ADCY8: variants seen among roughly 807,000 people sequenced by gnomAD.
The protein encoded by ADCY8 is adenylate cyclase type 8.
A neutral mutation model predicts 119.7 loss-of-function variants in ADCY8; 51 were observed. The ratio of observed to expected loss-of-function variants is 0.43; its 90% confidence interval spans 0.34 to 0.54. The LOEUF (loss-of-function observed/expected upper bound fraction) is 0.54. ADCY8 is among the 20% of genes least tolerant of loss of function. ADCY8 has a pLI of 0.03. For synonymous variants in ADCY8, 665 were observed against 651.0 expected, an observed-to-expected ratio of 1.02 and a Z score of -0.33; for missense variants, 1,383 against 1,598.8, an observed-to-expected ratio of 0.87 and a Z score of 2.30.
chr8:131,010,577 G>A (rs1018757957), intron 1 of ADCY8, among the ~76,000 whole-genome samples: 2 of 152,030 alleles, frequency 1.3e-5, no homozygotes, highest in African/African-American at 2.4e-5. Context: ...GAAAAATGAA[G>A]GTAAGTAAAA....
intron 8 of ADCY8, among the ~76,000 whole-genome samples, chr8:130,879,049 G>A (rs924338732): frequency 2.0e-5 from 3 of 152,132 alleles, no homozygotes; most frequent in Non-Finnish European, 4.4e-5. Flanking sequence ...GTGTTATTAA[G>A]CTCTCTTAAG....
At chr8:131,036,271 T>G (rs1824150497) in intron 1 of ADCY8, among the ~76,000 whole-genome samples, 1 of 152,208 alleles carries the variant, frequency 6.6e-6, no homozygotes, top group African/African-American at 2.4e-5. Flanking sequence ...GGGTGCTTAG[T>G]TACATGTAAA....
At chr8:130,956,674 C>T (rs1414536623) in intron 2 of ADCY8, among the ~76,000 whole-genome samples, 2 of 152,302 alleles carry the variant, frequency 1.3e-5, no homozygotes, top group East Asian at 3.9e-4. Context: ...TTAAATTGTA[C>T]TCCCATAATT....
At chr8:130,988,026 A>C (rs1822456310) in intron 2 of ADCY8, among the ~76,000 whole-genome samples, 1 of 152,242 alleles carries the variant, frequency 6.6e-6, no homozygotes, top group Non-Finnish European at 1.5e-5. Flanking sequence ...ACCATTAAGG[A>C]GACTTTTCAG....
chr8:130,915,775 C>G (rs1291979475), intron 5 of ADCY8, among the ~76,000 whole-genome samples: 1 of 152,210 alleles, frequency 6.6e-6, no homozygotes, highest in Admixed American at 6.5e-5. Context: ...CTACCCTTTT[C>G]TGCTAAAACT....
chr8:130,829,644 A>C (rs1490589180), intron 12 of ADCY8, among the ~76,000 whole-genome samples: 4 of 152,220 alleles, frequency 2.6e-5, no homozygotes, highest in Non-Finnish European at 5.9e-5. Flanking sequence ...CCTAAAAAGA[A>C]TAGTTGGTTG....
intron 2 of ADCY8, among the ~76,000 whole-genome samples, chr8:130,963,592 G>A (rs1821672663): frequency 1.3e-5 from 2 of 152,160 alleles, no homozygotes; most frequent in Non-Finnish European, 1.5e-5. Context: ...TACTTCATGG[G>A]GGGTTTAGTC....
intron 14 of ADCY8, among the ~76,000 whole-genome samples, chr8:130,808,683 T>C (rs906503009): frequency 6.6e-5 from 10 of 152,146 alleles, no homozygotes; most frequent in African/African-American, 2.2e-4. Flanking sequence ...CCGGGCTGCA[T>C]TGGGGACTTA....
chr8:130,979,916 G>A (rs1440136336), intron 2 of ADCY8, among the ~76,000 whole-genome samples: 1 of 152,184 alleles, frequency 6.6e-6, no homozygotes, highest in Non-Finnish European at 1.5e-5. Context: ...AGTATCCTAA[G>A]CTGGCATAAA....
intron 15 of ADCY8, among the ~76,000 whole-genome samples, chr8:130,793,496 A>G (rs917642135): frequency 6.6e-6 from 1 of 152,004 alleles, no homozygotes. Flanking sequence ...ATTCTTTTTG[A>G]TTGTTCTTCA....
In ADCY8 at chr8:130,890,171, G is replaced by A. The variant is rs141800368; in HGVS notation, c.1912-5410C>T. 3.0e-3 allele frequency among the ~76,000 whole-genome samples: 443 copies of A among 148,806 alleles called. 4 individuals are homozygous for A. Among genetic ancestry groups the A allele is most frequent in the African/African-American group, 9.3e-3 (381 of 40,928 alleles). ...AGATTGTCGAACACATGGACACAGG[G>A]TGGGGAACATCACACACCGGGGCCT... On this transcript the variant is annotated intron_variant, in intron 7 of 17. Transcript: ENST00000286355.
intron 7 of ADCY8, among the ~76,000 whole-genome samples, chr8:130,893,815 C>A (rs983042368): frequency 9.7e-6 from 1 of 103,322 alleles, no homozygotes; most frequent in Non-Finnish European, 2.1e-5. Context: ...CATGTTTATG[C>A]GTGTGTGTGT....
At chr8:130,877,454 C>T (rs1383095115) in intron 8 of ADCY8, among the ~76,000 whole-genome samples, 1 of 152,186 alleles carries the variant, frequency 6.6e-6, no homozygotes. Flanking sequence ...AGCATGAATG[C>T]TCTGAGCTCT....
chr8:130,928,719 A>AT (rs1341319221), intron 5 of ADCY8, among the ~76,000 whole-genome samples: 1 of 152,078 alleles, frequency 6.6e-6, no homozygotes, highest in Non-Finnish European at 1.5e-5. Context: ...AATCAGGAAT[A>AT]TTTTTGTAAT....
At chr8:130,904,160 C>G in intron 6 of ADCY8, 118 bp from the exon 7 acceptor site, 14 of 1,014,864 alleles carry the variant, frequency 1.4e-5, no homozygotes, top group Non-Finnish European at 2.0e-5. Flanking sequence ...AGGACATGTC[C>G]TCAGGGACAA....
intron 1 of ADCY8, among the ~76,000 whole-genome samples, chr8:131,012,196 A>G (rs1823328362): frequency 6.6e-6 from 1 of 152,180 alleles, no homozygotes; most frequent in African/African-American, 2.4e-5. Context: ...CTTCATGTCA[A>G]GTGACCAACA....
intron 6 of ADCY8, among the ~76,000 whole-genome samples, chr8:130,905,036 C>G (rs1819735186): frequency 6.6e-6 from 1 of 152,174 alleles, no homozygotes; most frequent in African/African-American, 2.4e-5. Flanking sequence ...GCCTTTCTAT[C>G]AGTCCATTTT....
At chr8:130,928,475 T>C (rs539530850) in intron 5 of ADCY8, among the ~76,000 whole-genome samples, 1 of 152,318 alleles carries the variant, frequency 6.6e-6, no homozygotes, top group South Asian at 2.1e-4. Flanking sequence ...AGAATTTTCA[T>C]CATGAAAGGA....
At chr8:130,967,192 A>G (rs1393853356) in intron 2 of ADCY8, among the ~76,000 whole-genome samples, 1 of 152,266 alleles carries the variant, frequency 6.6e-6, no homozygotes, top group Non-Finnish European at 1.5e-5. Context: ...GCATTGCAGA[A>G]GCTGTTGCTT....
Sources: gnomAD v4.1 joint callset for allele counts (sites outside exome capture counted in the v4.1 genomes callset) on GRCh38, gnomAD v4.1.1 for gene constraint, MANE v1.5 for transcripts, NCBI Gene and HGNC (gene_info 2026-07-23, HGNC 2026-07-21) for gene names.